SHPK: variants seen among roughly 807,000 people sequenced by gnomAD.
The protein encoded by SHPK is sedoheptulokinase.
A neutral mutation model predicts 46.3 loss-of-function variants in SHPK; 51 were observed. The observed-to-expected ratio is 1.10, with a 90% CI of 0.88 to 1.39. The LOEUF is 1.39. Among genes scored for constraint, SHPK ranks in the 40% most tolerant of loss-of-function variants. The probability of loss-of-function intolerance (pLI) is 0.00; values close to 1 mark genes in which losing one functional copy is unlikely to be tolerated. For synonymous variants in SHPK, 290 were observed against 273.9 expected, an observed-to-expected ratio of 1.06 and a Z score of -0.58; for missense variants, 668 against 641.3, an observed-to-expected ratio of 1.04 and a Z score of -0.45.
intron 6 of SHPK, among the ~76,000 whole-genome samples, chr17:3,612,343 T>G (rs1369929793): frequency 1.3e-5 from 2 of 151,356 alleles, no homozygotes; most frequent in Non-Finnish European, 2.9e-5. Flanking sequence ...TGAGAAACGC[T>G]TGAACCCAGA....
intron 5 of SHPK, among the ~76,000 whole-genome samples, chr17:3,617,837 T>C (rs565233331): frequency 6.6e-6 from 1 of 152,328 alleles, no homozygotes; most frequent in Admixed American, 6.5e-5. Context: ...AAAGGAGAAC[T>C]AGATAACTGT....
At chr17:3,618,498 A>G (rs1452838244) in intron 5 of SHPK, among the ~76,000 whole-genome samples, 1 of 151,950 alleles carries the variant, frequency 6.6e-6, no homozygotes, top group Non-Finnish European at 1.5e-5. Context: ...AAATTCATTC[A>G]TGGCTGGGCA....
In SHPK at chr17:3,610,610, C is replaced by T. The variant is rs754993710; in HGVS notation, c.1387G>A (p.Gly463Arg). The change falls in exon 7 of 7, where the codon GGG becomes AGG. Residue 463 changes from glycine to arginine, a missense_variant. Coordinates refer to ENST00000225519, the MANE Select transcript of SHPK (RefSeq NM_013276.4). ...CTCCGGAGCATGACCAGAGCTGCCC[C>T]GACAGCTGCATCCACATCCTGCCCA... is the stretch of plus-strand genomic sequence containing the variant. Reference protein sequence around the residue: ...SFGQDVDAAVGAALVMLRRHL... With the variant: ...SFGQDVDAAVRAALVMLRRHL... 37 of 1,613,400 alleles carry T rather than the reference C, an allele frequency of 2.3e-5. No homozygotes were observed. Among genetic ancestry groups the T allele is most frequent in the Admixed American group, 3.3e-5 (2 of 59,990 alleles).
chr17:3,628,756 C>T (rs925031808), intron 2 of SHPK, among the ~76,000 whole-genome samples: 2 of 151,596 alleles, frequency 1.3e-5, no homozygotes, highest in Non-Finnish European at 2.9e-5. Context: ...TCCAGTGATC[C>T]TCTCACCTCA....
Position 3,630,394 on chromosome 17 carries a change from G to A in SHPK, c.169-48C>T, listed in dbSNP as rs749746888. The A allele has an allele frequency of 1.1e-5, 17 of 1,557,234 alleles. No individual in the cohort carries two copies. The Admixed American group carries it at 2.6e-4, about 23-fold the overall frequency. On this transcript the variant is annotated intron_variant, in intron 1 of 6. Coordinates refer to ENST00000225519, the MANE Select transcript of SHPK (RefSeq NM_013276.4). ...GGGCAGGGGCAGACACACAGGCAGG[G>A]GGAGGGGCGCAGGCCTCCCGGGATG...
At position 3,609,997 on chromosome 17, in the gene SHPK, C is replaced by A; in HGVS notation, c.*563G>T. On this transcript the variant is annotated 3_prime_UTR_variant, in exon 7 of 7. Transcript: ENST00000225519. ...CTGCTGCATCGCGCTTGGGTCAATC[C>A]CTGGCCCAGCTAAGCATCTGCAGCC... The A allele has an allele frequency of 6.5e-6, 1 of 153,976 alleles. No individual in the cohort carries two copies. Among genetic ancestry groups the A allele is most frequent in the Non-Finnish European group, 1.4e-5 (1 of 69,038 alleles). The allele number at this position is 153,976 out of a possible 1,614,324, so 9.5% of individuals were successfully genotyped here. A position where few individuals can be genotyped will look rare whatever the true frequency, so the allele number is the denominator to read the frequency against.
Position 3,630,233 on chromosome 17 carries a change from A to G in SHPK, c.282T>C (p.His94=), listed in dbSNP as rs118034827. 2.5e-4 allele frequency: 402 copies of G among 1,613,578 alleles called. No homozygotes were observed. Among genetic ancestry groups the G allele is most frequent in the Non-Finnish European group, 3.2e-4 (372 of 1,179,916 alleles). The stretch of plus-strand genomic sequence containing the variant: ...GGCCTGTTTTCCAAAACACGACTCC[A>G]TGCATCTGGCCCGACACCCCGATGC... ...VVGIGVSGQM[H]GVVFWKTGQG... Residue 94 remains histidine (H), a synonymous_variant, in exon 2 of 7, where the codon CAT becomes CAC. Coordinates refer to ENST00000225519, the MANE Select transcript of SHPK (RefSeq NM_013276.4).
intron 5 of SHPK, 89 bp from the exon 6 acceptor site, chr17:3,615,626 CGGGTTAACTCAG>C: frequency 9.0e-7 from 1 of 1,116,246 alleles, no homozygotes; most frequent in Non-Finnish European, 1.3e-6. Context: ...GGTGGCCTGT[CGGGTTAACTCAG>C]AGGTCACAAG....
At chr17:3,623,637 T>C (rs1187874289) in intron 3 of SHPK, 146 bp from the exon 4 acceptor site, 10 of 806,846 alleles carry the variant, frequency 1.2e-5, no homozygotes, top group Non-Finnish European at 1.6e-5. Context: ...TCCAGCTGGG[T>C]CCCTGGGATT....
At chr17:3,633,555 C>T (rs576899344) in intron 1 of SHPK, among the ~76,000 whole-genome samples, 6 of 151,848 alleles carry the variant, frequency 4.0e-5, no homozygotes, top group Admixed American at 2.6e-4. Flanking sequence ...TCCCAGAGCA[C>T]GATTCATATG....
At chr17:3,634,029 C>T (rs1489566361) in intron 1 of SHPK, among the ~76,000 whole-genome samples, 2 of 149,380 alleles carry the variant, frequency 1.3e-5, no homozygotes, top group Non-Finnish European at 3.0e-5. Flanking sequence ...GGATTAAGGG[C>T]GGTGCAAGAT....
At chr17:3,630,377 GCAGACACA>G (rs1400840782) in intron 1 of SHPK, 31 bp from the exon 2 acceptor site, 5 of 1,583,934 alleles carry the variant, frequency 3.2e-6, no homozygotes, top group Non-Finnish European at 3.4e-6. Context: ...ATGGGCAGGG[GCAGACACA>G]CAGGCAGGGG....
intron 6 of SHPK, among the ~76,000 whole-genome samples, chr17:3,615,028 CAGG>C (rs999574256): frequency 3.3e-5 from 5 of 150,784 alleles, no homozygotes; most frequent in South Asian, 2.1e-4. Context: ...GAGAAAGGAG[CAGG>C]AGGAGAAAAG....
In SHPK at chr17:3,610,775, G is replaced by A. The variant is rs756152495; in HGVS notation, c.1222C>T (p.Gln408Ter). 19 of 1,614,012 alleles carry A rather than the reference G, an allele frequency of 1.2e-5. No homozygotes were observed. The highest frequency in any genetic ancestry group is 1.2e-5 in the Non-Finnish European group (14 of 1,180,024). Residue 408 changes from glutamine to a stop codon, truncating the protein, a stop_gained, in exon 7 of 7, where the codon CAG becomes TAG. Transcript: ENST00000225519. LOFTEE classifies it high-confidence loss of function. ...VTRALCRGIVQNLHSMLPIQQ... is the reference protein window; with the variant it reads ...VTRALCRGIV ...ATCGGAAGCATGGAGTGCAGGTTCTGAACAATGCCTCGGCACAGAGCCCGG... is the reference window on the plus strand; with the variant it reads ...ATCGGAAGCATGGAGTGCAGGTTCTAAACAATGCCTCGGCACAGAGCCCGG...
chr17:3,627,991 G>T (rs933820944), intron 2 of SHPK, among the ~76,000 whole-genome samples: 3 of 151,890 alleles, frequency 2.0e-5, no homozygotes, highest in African/African-American at 7.3e-5. Flanking sequence ...CAGGAGGGAG[G>T]AAGGGGAGGA....
At chr17:3,635,371 G>A (rs112084333) in intron 1 of SHPK, among the ~76,000 whole-genome samples, 30 of 151,728 alleles carry the variant, frequency 2.0e-4, no homozygotes, top group African/African-American at 7.0e-4. Context: ...GAGTAGCTGG[G>A]ACTACAGGCG....
chr17:3,628,978 A>G lies in SHPK; in HGVS notation c.310+1227T>C, dbSNP rs1445274976. On this transcript the variant is annotated intron_variant, in intron 2 of 6. Transcript: ENST00000225519. Reference sequence around the variant, plus strand: ...TTAAAAAGTTTTTTTAATGCCTTCCATAACAGGGAGCTCCCAACTTCCTGC... The same window carrying G: ...TTAAAAAGTTTTTTTAATGCCTTCCGTAACAGGGAGCTCCCAACTTCCTGC... Among the ~76,000 whole-genome samples the G allele has an allele frequency of 3.3e-5, 5 of 152,090 alleles. No individual in the cohort carries two copies. In the East Asian group the frequency reaches 9.7e-4, roughly 29 times the overall value.
In SHPK at chr17:3,610,884, T is replaced by C. The variant is rs1401370867; in HGVS notation, c.1113A>G (p.Thr371=). Reference sequence around the variant, plus strand: ...CCGGCAGGTGCCTCTCCCCCAGCACTGTCGGGGTGATGGTCAGGTGGGTAT... The same window carrying C: ...CCGGCAGGTGCCTCTCCCCCAGCACCGTCGGGGTGATGGTCAGGTGGGTAT... The part of the protein sequence containing the change: ...QRDTHLTITP[T]VLGERHLPDQ... The change falls in exon 7 of 7, where the codon ACA becomes ACG. Residue 371 remains threonine, a synonymous_variant. Transcript: ENST00000225519. 3 of 1,613,994 alleles carry C rather than the reference T, an allele frequency of 1.9e-6. No individual in the cohort carries two copies. Among genetic ancestry groups the C allele is most frequent in the Admixed American group, 1.7e-5 (1 of 60,016 alleles).
intron 4 of SHPK, chr17:3,622,497 G>A (rs1424410065): frequency 2.8e-6 from 2 of 716,780 alleles, no homozygotes; most frequent in African/African-American, 3.9e-5. Flanking sequence ...CAGGGTTAGT[G>A]AATGGGAAGC....
Sources: allele counts gnomAD v4.1 joint callset (sites outside exome capture counted in the v4.1 genomes callset), GRCh38; gene constraint gnomAD v4.1.1; transcripts MANE v1.5; gene names NCBI Gene and HGNC (gene_info 2026-07-23, HGNC 2026-07-21).